ZNF585A: variants seen among roughly 807,000 people sequenced by gnomAD.
The protein encoded by ZNF585A is zinc finger protein 585A.
ZNF585A carries 9 observed loss-of-function variants against 14.9 expected under a neutral mutation model. The observed-to-expected ratio is 0.60, with a 90% CI of 0.36 to 1.05. The LOEUF (loss-of-function observed/expected upper bound fraction) is 1.05, where lower values mean the gene tolerates loss of function less well. ZNF585A is among the 50% of genes least tolerant of loss of function. The probability of loss-of-function intolerance (pLI) is 0.01; values close to 1 mark genes in which losing one functional copy is unlikely to be tolerated. For synonymous variants in ZNF585A, 276 were observed against 319.9 expected (o/e 0.86, Z 1.46); for missense variants, 726 against 926.4 (o/e 0.78, Z 2.81).
At chr19:37,170,334 T>C (rs1972162127) in intron 1 of ZNF585A, among the ~76,000 whole-genome samples, 1 of 152,180 alleles carries the variant, frequency 6.6e-6, no homozygotes, top group Admixed American at 6.5e-5. Flanking sequence ...GGACCACACT[T>C]TGAGAACCAG....
chr19:37,166,758 C>T (rs551649641), intron 2 of ZNF585A, among the ~76,000 whole-genome samples: 22 of 150,378 alleles, frequency 1.5e-4, no homozygotes, highest in South Asian at 1.3e-3. Context: ...TTTTTTTAAA[C>T]GTCCAGGATT....
rs1445272261 is a variant in ZNF585A at position 37,149,591 on chromosome 19, T to G, written c.*1998A>C. On this transcript the variant is annotated 3_prime_UTR_variant, in exon 5 of 5. Coordinates refer to ENST00000292841, the MANE Select transcript of ZNF585A (RefSeq NM_001288800.2). The stretch of plus-strand genomic sequence containing the variant: ...CACTTCATTCTCCCATAATCCCATT[T>G]TACAAGTGAGAAAATTGAGGCCCAG... 11 of 152,254 alleles carry G rather than the reference T, an allele frequency of 7.2e-5. No homozygotes were observed. In the East Asian group the frequency reaches 1.5e-3, roughly 21 times the overall value. The allele number at this position is 152,254 out of a possible 1,614,324, so 9.4% of individuals were successfully genotyped here.
rs1396842435 is a variant in ZNF585A, at chr19:37,148,420, ACAAGGACT to A, written c.*3161_*3168del. The stretch of plus-strand genomic sequence containing the variant: ...AACACACACACACACACACACACAC[ACAAGGACT>A]CCACTTATACAATATTATGGAAAAG... On this transcript the variant is annotated 3_prime_UTR_variant, in exon 5 of 5. Coordinates refer to ENST00000292841, the MANE Select transcript of ZNF585A (RefSeq NM_001288800.2). 6.6e-6 allele frequency: 1 copy of A among 152,030 alleles called. No individual in the cohort carries two copies. Among genetic ancestry groups the A allele is most frequent in the Non-Finnish European group, 1.5e-5 (1 of 67,994 alleles). 9.4% of individuals were successfully genotyped at this position (152,030 alleles called of 1,614,324 possible). A position where few individuals can be genotyped will look rare whatever the true frequency, so the allele number is the denominator to read the frequency against.
intron 2 of ZNF585A, among the ~76,000 whole-genome samples, chr19:37,166,582 G>A (rs1972094552): frequency 6.6e-6 from 1 of 152,038 alleles, no homozygotes; most frequent in Non-Finnish European, 1.5e-5. Flanking sequence ...AAAGTGCTGG[G>A]ATTACAGGTG....
In ZNF585A at chr19:37,151,631, A is replaced by G; in HGVS notation, c.2268T>C (p.Val756=). The change falls in exon 5 of 5, where the codon GTT becomes GTC. Residue 756 remains valine, a synonymous_variant. Transcript: ENST00000292841. ...YKCGICGKGF[V]QKSVFSVHQS... The stretch of plus-strand genomic sequence containing the variant: ...GATGGACGCTGAACACTGATTTCTG[A>G]ACGAAGCCTTTCCCACAGATGCCAC... 6.2e-7 allele frequency: 1 copy of G among 1,614,048 alleles called. No homozygotes were observed. Among genetic ancestry groups the G allele is most frequent in the Non-Finnish European group, 8.5e-7 (1 of 1,179,944 alleles).
At chr19:37,167,912 G>A (rs1374759484) in intron 2 of ZNF585A, among the ~76,000 whole-genome samples, 2 of 152,206 alleles carry the variant, frequency 1.3e-5, no homozygotes, top group South Asian at 2.1e-4. Context: ...TTACAGGCGT[G>A]AGCCACCGCC....
chr19:37,161,470 TGA>T (rs553707697), intron 2 of ZNF585A, among the ~76,000 whole-genome samples: 176 of 152,306 alleles, frequency 1.2e-3, no homozygotes, highest in African/African-American at 3.8e-3. Flanking sequence ...GCACAATTGA[TGA>T]GAGAGAATAT....
intron 1 of ZNF585A, 80 bp from the exon 2 acceptor site, chr19:37,170,134 C>A: frequency 2.1e-6 from 1 of 485,608 alleles, no homozygotes; most frequent in Non-Finnish European, 3.7e-6. Context: ...GGTGCAGGTC[C>A]CTGAGCTAGA....
intron 2 of ZNF585A, among the ~76,000 whole-genome samples, chr19:37,160,124 G>A (rs887539626): frequency 1.3e-5 from 2 of 152,032 alleles, no homozygotes; most frequent in Non-Finnish European, 2.9e-5. Context: ...CTTGAGCCCA[G>A]GAGTTCGAGA....
At chr19:37,163,721 G>A (rs1183259082) in intron 2 of ZNF585A, among the ~76,000 whole-genome samples, 1 of 150,214 alleles carries the variant, frequency 6.7e-6, no homozygotes, top group East Asian at 1.9e-4. Flanking sequence ...AGTTCAAGAA[G>A]TTAACATCAT....
chr19:37,156,380 T>C (rs777718533), intron 2 of ZNF585A, 25 bp from the exon 3 acceptor site: 3 of 1,613,968 alleles, frequency 1.9e-6, no homozygotes, highest in Non-Finnish European at 2.5e-6. Context: ...TCTTGTTCAA[T>C]GTGCACAGTC....
intron 1 of ZNF585A, among the ~76,000 whole-genome samples, chr19:37,171,406 C>G (rs1972177831): frequency 6.6e-6 from 1 of 151,980 alleles, no homozygotes; most frequent in Admixed American, 6.6e-5. Context: ...GGCAATTAAC[C>G]AAATAAGATG....
At chr19:37,170,772 C>A (rs1018435379) in intron 1 of ZNF585A, among the ~76,000 whole-genome samples, 6 of 152,212 alleles carry the variant, frequency 3.9e-5, no homozygotes, top group South Asian at 2.1e-4. Context: ...CTGCGCCCAG[C>A]CATTTCTTCA....
At chr19:37,160,684 A>G (rs1479493299) in intron 2 of ZNF585A, among the ~76,000 whole-genome samples, 1 of 152,106 alleles carries the variant, frequency 6.6e-6, no homozygotes, top group Non-Finnish European at 1.5e-5. Flanking sequence ...AATAAATTCA[A>G]TAACTTAGAA....
At chr19:37,156,402 T>A in intron 2 of ZNF585A, 47 bp from the exon 3 acceptor site, 1 of 1,603,868 alleles carries the variant, frequency 6.2e-7, no homozygotes, top group Non-Finnish European at 8.5e-7. Context: ...GCTTAGAGGG[T>A]TGGAGAGACT....
intron 1 of ZNF585A, 106 bp from the exon 2 acceptor site, chr19:37,170,160 T>C (rs184540054): frequency 1.9e-5 from 8 of 419,550 alleles, no homozygotes; most frequent in Non-Finnish European, 3.5e-5. Context: ...AAGCAGTGGT[T>C]CTCAAATGGG....
chr19:37,162,463 C>T (rs1272439625), intron 2 of ZNF585A, among the ~76,000 whole-genome samples: 1 of 152,136 alleles, frequency 6.6e-6, no homozygotes, highest in Non-Finnish European at 1.5e-5. Flanking sequence ...ACCCAGCAAT[C>T]CTGTTACTGG....
At position 37,147,390 on chromosome 19, in the gene ZNF585A, A is replaced by G. The variant is rs556206726; in HGVS notation, c.*4199T>C. On this transcript the variant is annotated 3_prime_UTR_variant, in exon 5 of 5. Transcript: ENST00000292841. Reference sequence around the variant, plus strand: ...GAGAAAAGATCCTTGATGTTAAAACAGCCAGAATTGAGATGCCTGACAAAT... The same window carrying G: ...GAGAAAAGATCCTTGATGTTAAAACGGCCAGAATTGAGATGCCTGACAAAT... The G allele has an allele frequency of 6.6e-6, 1 of 152,346 alleles. No individual in the cohort carries two copies. Among genetic ancestry groups the G allele is most frequent in the South Asian group, 2.1e-4 (1 of 4,830 alleles). 9.4% of individuals were successfully genotyped at this position (152,346 alleles called of 1,614,324 possible).
Position 37,151,590 on chromosome 19 carries a change from C to G in ZNF585A, c.2309G>C (p.Ter770SerextTer30), listed in dbSNP as rs369515327. ...GGGGGTTTTCTCACACTGTTTCTCTCAAGCGTGGCTGCTCTGATGGACGCT... is the reference window on the plus strand; with the variant it reads ...GGGGGTTTTCTCACACTGTTTCTCTGAAGCGTGGCTGCTCTGATGGACGCT... ...VFSVHQSSHA[*>S] Residue 770 changes from the stop codon to serine, a stop_lost, in exon 5 of 5, where the codon TGA (stop) becomes TCA (serine). Transcript: ENST00000292841. 6.2e-7 allele frequency: 1 copy of G among 1,609,188 alleles called. No homozygotes were observed. Among genetic ancestry groups the G allele is most frequent in the African/African-American group, 1.3e-5 (1 of 74,986 alleles).
Sources: allele counts gnomAD v4.1 joint callset (sites outside exome capture counted in the v4.1 genomes callset), GRCh38; gene constraint gnomAD v4.1.1; transcripts MANE v1.5; gene names NCBI Gene and HGNC (gene_info 2026-07-23, HGNC 2026-07-21).